SLC2A9: variants seen among roughly 807,000 people sequenced by gnomAD.
The protein encoded by SLC2A9 is solute carrier family 2, facilitated glucose transporter member 9.
In SLC2A9, 39 loss-of-function variants were observed where a neutral mutation model predicts 50.6. The observed-to-expected ratio is 0.77, with a 90% confidence interval of 0.60 to 1.01. The LOEUF (loss-of-function observed/expected upper bound fraction) is 1.01, where lower values mean the gene tolerates loss of function less well. SLC2A9 is among the 50% of genes least tolerant of loss of function. The pLI, the probability that SLC2A9 is intolerant of heterozygous loss-of-function variation, is 0.00. For synonymous variants in SLC2A9, 324 were observed against 276.9 expected (o/e 1.17, Z -1.69); for missense variants, 686 against 677.6 (o/e 1.01, Z -0.14).
At chr4:9,790,304 C>T (rs1218876299) in intron 3 of SLC2A9, among the ~76,000 whole-genome samples, 5 of 152,188 alleles carry the variant, frequency 3.3e-5, no homozygotes, top group African/African-American at 1.2e-4. Context: ...TGGACCTTTT[C>T]CTGTGCTCTT....
At chr4:9,975,030 G>C (rs914956404) in intron 5 of SLC2A9, among the ~76,000 whole-genome samples, 2 of 152,208 alleles carry the variant, frequency 1.3e-5, no homozygotes, top group Non-Finnish European at 2.9e-5. Flanking sequence ...AATAAATGGT[G>C]CTGGGATAGT....
chr4:10,000,035 T>C (rs938903482), intron 2 of SLC2A9, among the ~76,000 whole-genome samples: 2 of 152,110 alleles, frequency 1.3e-5, no homozygotes, highest in African/African-American at 4.8e-5. Context: ...AAGCAAATGG[T>C]CTGATGGAAG....
At chr4:9,773,119 A>T (rs1282062939) in intron 1 of SLC2A9, among the ~76,000 whole-genome samples, 1 of 152,184 alleles carries the variant, frequency 6.6e-6, no homozygotes, top group African/African-American at 2.4e-5. Flanking sequence ...AACCTGCCAG[A>T]AACCTCCTTG....
chr4:10,018,548 A>ATAGATAGAT (rs1553915027), intron 2 of SLC2A9, among the ~76,000 whole-genome samples: 2 of 110,234 alleles, frequency 1.8e-5, no homozygotes, highest in Non-Finnish European at 3.9e-5. Flanking sequence ...CTCAAAGATG[A>ATAGATAGAT]TAGATAGATA....
At chr4:9,977,390 C>T (rs948473305) in intron 5 of SLC2A9, among the ~76,000 whole-genome samples, 1 of 152,118 alleles carries the variant, frequency 6.6e-6, no homozygotes, top group African/African-American at 2.4e-5. Context: ...AGGCCAGTGT[C>T]TGTGATGGAA....
intron 1 of SLC2A9, among the ~76,000 whole-genome samples, chr4:10,020,039 A>AGTGTGTGTGTGTGTGT (rs112964589): frequency 2.0e-4 from 30 of 147,982 alleles, no homozygotes; most frequent in Non-Finnish European, 3.7e-4. Context: ...CATATTTGTG[A>AGTGTGTGTGTGTGTGT]GTGTGTGTGT....
At chr4:10,015,991 C>G (rs995268581) in intron 2 of SLC2A9, among the ~76,000 whole-genome samples, 2 of 152,166 alleles carry the variant, frequency 1.3e-5, no homozygotes, top group Non-Finnish European at 2.9e-5. Context: ...ACTTCCCAGG[C>G]CGTGGATCTG....
At position 9,920,328 on chromosome 4, in the gene SLC2A9, C is replaced by T. The variant is rs1743686249; in HGVS notation, c.1002+57G>A. 6 of 1,598,318 alleles carry T rather than the reference C, an allele frequency of 3.8e-6. No homozygotes were observed. In the South Asian group the frequency reaches 6.7e-5, roughly 18 times the overall value. On this transcript the variant is annotated intron_variant, in intron 7 of 11. Transcript: ENST00000264784. ...CGTCTGGGGCCCAAGCCCTGAACCT[C>T]CCCACCCTCTGATCCCTCCAGTCAT...
intron 10 of SLC2A9, among the ~76,000 whole-genome samples, chr4:9,871,738 C>T (rs1295790457): frequency 6.6e-5 from 10 of 152,226 alleles, no homozygotes; most frequent in Admixed American, 6.5e-4. Context: ...CAACCCATTA[C>T]AGTAGCTAAG....
At chr4:9,898,231 C>A (rs16890590) in intron 8 of SLC2A9, among the ~76,000 whole-genome samples, 1 of 152,000 alleles carries the variant, frequency 6.6e-6, no homozygotes, top group African/African-American at 2.4e-5. Context: ...TGTAATGTTG[C>A]CTGCTAAATG....
At chr4:9,818,983 G>A (rs1458784068) in intron 3 of SLC2A9, among the ~76,000 whole-genome samples, 2 of 152,030 alleles carry the variant, frequency 1.3e-5, no homozygotes, top group Non-Finnish European at 2.9e-5. Context: ...TGAGCCAGGT[G>A]TGGTGGCAGG....
intron 10 of SLC2A9, among the ~76,000 whole-genome samples, chr4:9,884,467 G>A (rs1191660174): frequency 6.6e-6 from 1 of 150,852 alleles, no homozygotes; most frequent in Admixed American, 6.6e-5. Context: ...AATTAGTAAA[G>A]TTGGGCTTGA....
intron 8 of SLC2A9, among the ~76,000 whole-genome samples, chr4:9,906,193 C>G (rs1221375188): frequency 6.6e-6 from 1 of 152,140 alleles, no homozygotes; most frequent in East Asian, 1.9e-4. Flanking sequence ...AACTGAGTCA[C>G]AGAGATGCTG....
intron 10 of SLC2A9, among the ~76,000 whole-genome samples, chr4:9,864,857 G>A (rs369857082): frequency 6.6e-6 from 1 of 152,244 alleles, no homozygotes; most frequent in African/African-American, 2.4e-5. Flanking sequence ...TGGTTAAGTC[G>A]AGGATCTTCA....
At chr4:9,774,049 C>T (rs1717192555) in intron 1 of SLC2A9, among the ~76,000 whole-genome samples, 1 of 145,426 alleles carries the variant, frequency 6.9e-6, no homozygotes. Context: ...GGCTGGAGTG[C>T]AGTGGTGCGA....
chr4:9,833,091 A>G (rs1337690407), intron 11 of SLC2A9, among the ~76,000 whole-genome samples: 1 of 152,258 alleles, frequency 6.6e-6, no homozygotes, highest in Non-Finnish European at 1.5e-5. Context: ...TGAGGATTTT[A>G]CTGACACCTG....
chr4:9,918,553 C>T (rs1016083255), intron 7 of SLC2A9, among the ~76,000 whole-genome samples: 8 of 152,232 alleles, frequency 5.3e-5, no homozygotes, highest in African/African-American at 1.9e-4. Flanking sequence ...CTATTCCTCA[C>T]TGTTTGACCT....
intron 3 of SLC2A9, among the ~76,000 whole-genome samples, chr4:9,793,645 T>C (rs1398005653): frequency 6.6e-6 from 1 of 152,222 alleles, no homozygotes; most frequent in Non-Finnish European, 1.5e-5. Flanking sequence ...ATGTTAGCTC[T>C]TAGGAGGAGG....
At chr4:9,855,295 T>C (rs1343475553) in intron 10 of SLC2A9, among the ~76,000 whole-genome samples, 1 of 152,166 alleles carries the variant, frequency 6.6e-6, no homozygotes, top group African/African-American at 2.4e-5. Flanking sequence ...CTAAAACCAG[T>C]AGCATTTCTG....
Sources: gnomAD v4.1 joint callset for allele counts (sites outside exome capture counted in the v4.1 genomes callset) on GRCh38, gnomAD v4.1.1 for gene constraint, MANE v1.5 for transcripts, NCBI Gene and HGNC (gene_info 2026-07-23, HGNC 2026-07-21) for gene names.